PPP3R1: variants seen among roughly 807,000 people sequenced by gnomAD.
PPP3R1 encodes the protein calcineurin subunit B type 1.
Under a neutral mutation model 22.6 loss-of-function variants are expected in PPP3R1, and 5 were observed. The observed-to-expected ratio is 0.22, with a 90% CI of 0.12 to 0.46. PPP3R1 has a LOEUF of 0.46. Among genes scored for constraint, PPP3R1 ranks in the 20% least tolerant of loss-of-function variants. The pLI is 0.99. For synonymous variants in PPP3R1, 56 were observed against 65.2 expected, an observed-to-expected ratio of 0.86 and a Z score of 0.68; for missense variants, 61 against 203.2, an observed-to-expected ratio of 0.30 and a Z score of 4.25.
At position 68,232,059 on chromosome 2, in the gene PPP3R1, A is replaced by G. The variant is rs538670868; in HGVS notation, c.4-14928T>C. ...CAGATCACCTGAGGTCAGGAGTTCA[A>G]GACCAGCCAGGACAACATGGGAATA... On this transcript the variant is annotated intron_variant, in intron 1 of 5. Coordinates refer to ENST00000234310, the MANE Select transcript of PPP3R1 (RefSeq NM_000945.4). Among the ~76,000 whole-genome samples the G allele has an allele frequency of 5.6e-4, 84 of 149,040 alleles. 4 individuals carry two copies. The South Asian group carries it at 0.017, about 31-fold the overall frequency.
intron 5 of PPP3R1, among the ~76,000 whole-genome samples, chr2:68,182,716 C>T: frequency 7.2e-6 from 1 of 139,696 alleles, no homozygotes; most frequent in East Asian, 2.1e-4. Flanking sequence ...CAAACTGAGG[C>T]AACACTCCCT....
chr2:68,210,171 A>G (rs972314560), intron 2 of PPP3R1, among the ~76,000 whole-genome samples: 7 of 152,132 alleles, frequency 4.6e-5, no homozygotes, highest in South Asian at 2.1e-4. Flanking sequence ...CCAGAACCTC[A>G]TATCTTAATC....
intron 4 of PPP3R1, 119 bp downstream of exon 4, chr2:68,187,136 G>A (rs145042701): frequency 1.3e-6 from 1 of 798,414 alleles, no homozygotes; most frequent in Non-Finnish European, 1.9e-6. Context: ...TAAAATTTCA[G>A]TTATGTCTAA....
At chr2:68,188,007 T>TA (rs1300624909) in intron 3 of PPP3R1, among the ~76,000 whole-genome samples, 1 of 151,988 alleles carries the variant, frequency 6.6e-6, no homozygotes, top group Non-Finnish European at 1.5e-5. Flanking sequence ...TCGTTTTTAC[T>TA]AAAAATACAA....
chr2:68,199,121 G>T (rs1157390158), intron 2 of PPP3R1, among the ~76,000 whole-genome samples: 1 of 152,042 alleles, frequency 6.6e-6, no homozygotes, highest in Non-Finnish European at 1.5e-5. Context: ...GTGCCACCAT[G>T]CCCAGCTAAT....
intron 1 of PPP3R1, among the ~76,000 whole-genome samples, chr2:68,241,304 T>C (rs1490374689): frequency 2.0e-5 from 3 of 151,238 alleles, no homozygotes; most frequent in Admixed American, 6.6e-5. Flanking sequence ...TTATTTTTCA[T>C]TGTTATTTTT....
At chr2:68,243,591 G>C (rs1320172724) in intron 1 of PPP3R1, among the ~76,000 whole-genome samples, 1 of 151,956 alleles carries the variant, frequency 6.6e-6, no homozygotes, top group Non-Finnish European at 1.5e-5. Flanking sequence ...GTAGAAATAA[G>C]TACAAAAAAA....
chr2:68,196,965 T>G (rs576593961), intron 2 of PPP3R1, among the ~76,000 whole-genome samples: 3 of 152,336 alleles, frequency 2.0e-5, no homozygotes, highest in Non-Finnish European at 4.4e-5. Flanking sequence ...CCTCAGGTGA[T>G]CTGCCCACCT....
intron 2 of PPP3R1, among the ~76,000 whole-genome samples, chr2:68,209,378 A>G (rs1349297887): frequency 3.0e-5 from 4 of 134,626 alleles, no homozygotes; most frequent in Non-Finnish European, 4.9e-5. Context: ...AAAAAAAAAA[A>G]AAAAAAAAAA....
intron 2 of PPP3R1, among the ~76,000 whole-genome samples, chr2:68,191,086 G>A (rs899641172): frequency 8.5e-5 from 13 of 152,170 alleles, no homozygotes; most frequent in African/African-American, 3.1e-4. Context: ...TATCAGAAAT[G>A]CTGTGATGAA....
chr2:68,252,064 A>T, intron 1 of PPP3R1, 61 bp downstream of exon 1: 1 of 1,360,284 alleles, frequency 7.4e-7, no homozygotes, highest in Non-Finnish European at 9.7e-7. Flanking sequence ...TCGCCCCCGC[A>T]CCCGACCCGG....
intron 2 of PPP3R1, among the ~76,000 whole-genome samples, chr2:68,193,064 GTAGT>G (rs551973164): frequency 2.1e-4 from 32 of 152,252 alleles, no homozygotes; most frequent in Middle Eastern, 3.4e-3. Context: ...CTTAGAAGGA[GTAGT>G]TAAATTTTAT....
intron 1 of PPP3R1, among the ~76,000 whole-genome samples, chr2:68,231,196 A>G (rs1157396433): frequency 2.6e-5 from 4 of 151,906 alleles, no homozygotes; most frequent in Admixed American, 2.6e-4. Flanking sequence ...ACTGTTGTTC[A>G]GACTGGGTAA....
chr2:68,204,355 T>TATATATATATTCTG (rs1397162484), intron 2 of PPP3R1, among the ~76,000 whole-genome samples: 3 of 150,870 alleles, frequency 2.0e-5, no homozygotes, highest in East Asian at 1.9e-4. Context: ...TATATTCTGA[T>TATATATATATTCTG]ATATATATAT....
chr2:68,198,335 A>G (rs905721884), intron 2 of PPP3R1, among the ~76,000 whole-genome samples: 9 of 91,098 alleles, frequency 9.9e-5, no homozygotes, highest in South Asian at 7.2e-4. Context: ...ATATGTACAT[A>G]TATGTACATG....
At chr2:68,188,297 T>C (rs1185852619) in intron 3 of PPP3R1, among the ~76,000 whole-genome samples, 2 of 152,198 alleles carry the variant, frequency 1.3e-5, no homozygotes, top group Admixed American at 6.5e-5. Flanking sequence ...TGCTTTTTGG[T>C]AGATTATCCT....
chr2:68,196,343 C>CA (rs1458509108), intron 2 of PPP3R1, among the ~76,000 whole-genome samples: 1 of 152,124 alleles, frequency 6.6e-6, no homozygotes, highest in Non-Finnish European at 1.5e-5. Context: ...ATAAAACCTT[C>CA]AAAAAGCTCC....
chr2:68,248,504 C>T (rs1438758305), intron 1 of PPP3R1, among the ~76,000 whole-genome samples: 1 of 152,164 alleles, frequency 6.6e-6, no homozygotes, highest in Admixed American at 6.5e-5. Context: ...CAGTGGTTCT[C>T]AAAGTTCAGC....
At chr2:68,182,087 ACC>A (rs1674422566) in intron 5 of PPP3R1, among the ~76,000 whole-genome samples, 2 of 33,002 alleles carry the variant, frequency 6.1e-5, no homozygotes, top group Admixed American at 2.8e-4. Flanking sequence ...CCCTCCCCCC[ACC>A]ACACACACAC....
Sources: gnomAD v4.1 joint callset for allele counts (sites outside exome capture counted in the v4.1 genomes callset) on GRCh38, gnomAD v4.1.1 for gene constraint, MANE v1.5 for transcripts, NCBI Gene and HGNC (gene_info 2026-07-23, HGNC 2026-07-21) for gene names.